Variants in NCOA2 observed in about 807,000 individuals in gnomAD.
NCOA2 encodes the protein class E basic helix-loop-helix protein 75.
A neutral mutation model predicts 145.1 loss-of-function variants in NCOA2; 21 were observed. The observed-to-expected ratio is 0.14, with a 90% CI of 0.10 to 0.21. The LOEUF (loss-of-function observed/expected upper bound fraction) is 0.21. NCOA2 is among the 10% of genes least tolerant of loss of function. The pLI is 1.00. For missense variants in NCOA2, 1,472 were observed against 1,837.6 expected (o/e 0.80, Z 3.64); for synonymous variants, 619 against 637.5 (o/e 0.97, Z 0.44).
At chr8:70,398,005 C>T (rs993403297) in intron 1 of NCOA2, among the ~76,000 whole-genome samples, 11 of 152,158 alleles carry the variant, frequency 7.2e-5, no homozygotes, top group Admixed American at 1.3e-4. Context: ...TGATCACCCA[C>T]TCTATGTTCC....
At chr8:70,172,678 G>C (rs1423823915) in intron 5 of NCOA2, among the ~76,000 whole-genome samples, 1 of 152,172 alleles carries the variant, frequency 6.6e-6, no homozygotes, top group African/African-American at 2.4e-5. Context: ...TACATGCCCA[G>C]TGTCCCTTTT....
intron 2 of NCOA2, among the ~76,000 whole-genome samples, chr8:70,295,370 C>T (rs1213376071): frequency 3.3e-5 from 5 of 152,188 alleles, no homozygotes. Flanking sequence ...ATCTACTTTG[C>T]TCTCTATAAA....
At chr8:70,115,367 C>T (rs1425248044) in intron 22 of NCOA2, among the ~76,000 whole-genome samples, 6 of 152,152 alleles carry the variant, frequency 3.9e-5, no homozygotes, top group South Asian at 2.1e-4. Context: ...GAGCAGCCAC[C>T]GGCCAGAATC....
chr8:70,356,080 G>A (rs1356479328), intron 1 of NCOA2, among the ~76,000 whole-genome samples: 1 of 152,100 alleles, frequency 6.6e-6, no homozygotes, highest in African/African-American at 2.4e-5. Context: ...CTAAACATAT[G>A]ATTATAATAA....
intron 11 of NCOA2, among the ~76,000 whole-genome samples, chr8:70,152,796 T>C (rs1476801545): frequency 6.6e-6 from 1 of 152,204 alleles, no homozygotes; most frequent in Admixed American, 6.5e-5. Flanking sequence ...CATTAATAAG[T>C]TAGTAATAGG....
chr8:70,135,514 C>T (rs964728955), intron 15 of NCOA2, among the ~76,000 whole-genome samples: 4 of 152,072 alleles, frequency 2.6e-5, no homozygotes, highest in African/African-American at 9.7e-5. Flanking sequence ...TACATACTGC[C>T]TTGTGGCTTG....
intron 20 of NCOA2, 75 bp from the exon 21 acceptor site, chr8:70,124,157 T>C (rs778446841): frequency 7.1e-7 from 1 of 1,401,616 alleles, no homozygotes; most frequent in East Asian, 2.4e-5. Flanking sequence ...AGGGCACTTG[T>C]TTCTCAGGCG....
intron 2 of NCOA2, among the ~76,000 whole-genome samples, chr8:70,251,377 A>AC (rs1332925081): frequency 1.3e-5 from 2 of 152,212 alleles, no homozygotes; most frequent in Non-Finnish European, 2.9e-5. Context: ...CCAAGTTACC[A>AC]CTTCATGAAA....
intron 2 of NCOA2, among the ~76,000 whole-genome samples, chr8:70,280,692 T>G (rs1432732042): frequency 1.3e-5 from 2 of 152,112 alleles, no homozygotes; most frequent in African/African-American, 4.8e-5. Context: ...GTGACTGGTA[T>G]AGTACAGTAG....
chr8:70,220,874 G>A (rs980191417), intron 2 of NCOA2, among the ~76,000 whole-genome samples: 4 of 152,182 alleles, frequency 2.6e-5, no homozygotes, highest in Admixed American at 1.3e-4. Context: ...AACAAATTCA[G>A]TTAAAGAATA....
At chr8:70,211,798 G>A (rs897514630) in intron 4 of NCOA2, among the ~76,000 whole-genome samples, 7 of 152,066 alleles carry the variant, frequency 4.6e-5, no homozygotes, top group African/African-American at 7.2e-5. Context: ...TATGCTTTTC[G>A]TTTTTTCATT....
At chr8:70,158,408 A>C (rs1242252067) in intron 10 of NCOA2, among the ~76,000 whole-genome samples, 1 of 152,220 alleles carries the variant, frequency 6.6e-6, no homozygotes, top group Non-Finnish European at 1.5e-5. Context: ...TCAATATTCA[A>C]TTTCTTTATC....
intron 1 of NCOA2, among the ~76,000 whole-genome samples, chr8:70,339,291 G>A (rs2136432151): frequency 6.6e-6 from 1 of 152,148 alleles, no homozygotes; most frequent in East Asian, 1.9e-4. Flanking sequence ...ACCAAAGACA[G>A]GCAAGCAGAA....
chr8:70,447,677 G>GTTTTCT, the NCOA2 span, among the ~76,000 whole-genome samples: 6 of 94,664 alleles, frequency 6.3e-5, no homozygotes, highest in African/African-American at 1.0e-4. Flanking sequence ...TTAGGTCTTT[G>GTTTTCT]TTTTCTTTTT....
intron 10 of NCOA2, among the ~76,000 whole-genome samples, chr8:70,157,662 G>GT (rs776733826): frequency 2.6e-5 from 4 of 152,254 alleles, no homozygotes; most frequent in Non-Finnish European, 5.9e-5. Context: ...AGACACATCT[G>GT]TAAGCCCAGA....
At chr8:70,455,397 A>G in the NCOA2 span, among the ~76,000 whole-genome samples, 2 of 152,234 alleles carry the variant, frequency 1.3e-5, no homozygotes. Context: ...CTTAAGCTGC[A>G]TAGCTTTAAA....
intron 9 of NCOA2, among the ~76,000 whole-genome samples, chr8:70,161,919 AAAC>A (rs1216629103): frequency 1.3e-5 from 2 of 152,182 alleles, no homozygotes; most frequent in Non-Finnish European, 2.9e-5. Flanking sequence ...CTTTAACAGA[AAAC>A]AACAATGCAC....
At chr8:70,187,140 G>A (rs547441897) in intron 4 of NCOA2, among the ~76,000 whole-genome samples, 2 of 152,300 alleles carry the variant, frequency 1.3e-5, no homozygotes, top group East Asian at 3.9e-4. Context: ...AGCAGGAGAA[G>A]CAGTGAGGGC....
intron 10 of NCOA2, among the ~76,000 whole-genome samples, chr8:70,159,242 A>ATATATATATATATATATATATATTT: frequency 4.9e-5 from 3 of 61,078 alleles, no homozygotes; most frequent in Admixed American, 1.8e-4. Flanking sequence ...ATATATATAT[A>ATATATATATATATATATATATATTT]TTTTTTTTTT....
Sources: allele counts gnomAD v4.1 joint callset (sites outside exome capture counted in the v4.1 genomes callset), GRCh38; gene constraint gnomAD v4.1.1; transcripts MANE v1.5; gene names NCBI Gene and HGNC (gene_info 2026-07-23, HGNC 2026-07-21).